The following CTNNA2 variants were observed in gnomAD, a reference collection of about 807,000 sequenced individuals.
The protein encoded by CTNNA2 is catenin alpha-2.
CTNNA2 carries 42 observed loss-of-function variants against 101.0 expected under a neutral mutation model. The observed-to-expected ratio is 0.42, with a 90% CI of 0.32 to 0.54. The LOEUF (loss-of-function observed/expected upper bound fraction) is 0.54, where lower values mean the gene tolerates loss of function less well. Among genes scored for constraint, CTNNA2 ranks in the 20% least tolerant of loss-of-function variants. The pLI is 0.14. For missense variants in CTNNA2, 871 were observed against 1,223.1 expected, an observed-to-expected ratio of 0.71 and a Z score of 4.29; for synonymous variants, 450 against 456.4, an observed-to-expected ratio of 0.99 and a Z score of 0.18.
At chr2:79,303,180 A>C (rs956135072) in intron 2 of CTNNA2, among the ~76,000 whole-genome samples, 1 of 152,162 alleles carries the variant, frequency 6.6e-6, no homozygotes, top group Non-Finnish European at 1.5e-5. Flanking sequence ...CTCATCCTCA[A>C]CACAAGGTCT....
At chr2:79,873,419 A>T (rs561904106) in intron 5 of CTNNA2, among the ~76,000 whole-genome samples, 1 of 152,340 alleles carries the variant, frequency 6.6e-6, no homozygotes, top group East Asian at 1.9e-4. Flanking sequence ...ACGTTATAGA[A>T]GAGAAATATA....
At chr2:79,736,872 C>G (rs1437606543) in intron 2 of CTNNA2, among the ~76,000 whole-genome samples, 5 of 152,100 alleles carry the variant, frequency 3.3e-5, no homozygotes, top group African/African-American at 1.2e-4. Flanking sequence ...TGGTGTTTTT[C>G]TGGAGAGCTC....
chr2:79,512,340 G>T (rs1301208898), upstream of CTNNA2, among the ~76,000 whole-genome samples: 9 of 152,042 alleles, frequency 5.9e-5, no homozygotes, highest in Non-Finnish European at 1.2e-4. Flanking sequence ...TTCAACAAAG[G>T]CTTGTTAAAT....
At chr2:80,558,977 T>C (rs1362414984) in intron 12 of CTNNA2, among the ~76,000 whole-genome samples, 1 of 152,164 alleles carries the variant, frequency 6.6e-6, no homozygotes, top group Non-Finnish European at 1.5e-5. Context: ...CTGGGGACTG[T>C]TTTGTCCATT....
In CTNNA2 at chr2:79,758,737, G is replaced by A. The variant is rs146397140; in HGVS notation, c.298+14155G>A. On this transcript the variant is annotated intron_variant, in intron 3 of 18. Transcript: ENST00000402739. Reference sequence around the variant, plus strand: ...CTGCATTAATTCACTTAGGATAATGGTCTCCAGCTGCATTCATGTTGCTGC... The same window carrying A: ...CTGCATTAATTCACTTAGGATAATGATCTCCAGCTGCATTCATGTTGCTGC... Among the ~76,000 whole-genome samples, 133 of 152,232 alleles carry A rather than the reference G, an allele frequency of 8.7e-4. 1 individual carries two copies. Among genetic ancestry groups the A allele is most frequent in the Non-Finnish European group, 1.3e-3 (90 of 68,028 alleles).
intron 2 of CTNNA2, among the ~76,000 whole-genome samples, chr2:79,665,013 C>A (rs1452481459): frequency 1.3e-5 from 2 of 152,008 alleles, no homozygotes; most frequent in Admixed American, 1.3e-4. Flanking sequence ...TCCCGGCCCA[C>A]ATTCTTCTTT....
chr2:79,262,511 G>T (rs954402171), intron 2 of CTNNA2, among the ~76,000 whole-genome samples: 2 of 151,564 alleles, frequency 1.3e-5, no homozygotes, highest in Non-Finnish European at 2.9e-5. Flanking sequence ...CTTAAAACTA[G>T]AAAATATAGA....
At chr2:79,726,554 G>A (rs918055463) in intron 2 of CTNNA2, among the ~76,000 whole-genome samples, 1 of 152,106 alleles carries the variant, frequency 6.6e-6, no homozygotes, top group African/African-American at 2.4e-5. Flanking sequence ...GATCTGAGGT[G>A]GAGCAGTTTC....
intron 8 of CTNNA2, among the ~76,000 whole-genome samples, chr2:80,398,457 G>A (rs1678243820): frequency 6.6e-6 from 1 of 152,076 alleles, no homozygotes; most frequent in South Asian, 2.1e-4. Flanking sequence ...TGGAGTCTAG[G>A]TCAGATTGTC....
At chr2:79,762,081 G>A (rs1308143087) in intron 3 of CTNNA2, among the ~76,000 whole-genome samples, 2 of 152,132 alleles carry the variant, frequency 1.3e-5, no homozygotes, top group African/African-American at 4.8e-5. Flanking sequence ...GTTTCTCTGA[G>A]CAAGCCTATT....
At chr2:79,952,296 C>T (rs1355197129) in intron 7 of CTNNA2, among the ~76,000 whole-genome samples, 1 of 152,154 alleles carries the variant, frequency 6.6e-6, no homozygotes, top group African/African-American at 2.4e-5. Flanking sequence ...CCACACCGTG[C>T]CAGTCCAAAC....
intron 7 of CTNNA2, among the ~76,000 whole-genome samples, chr2:80,002,812 A>G (rs1045927248): frequency 1.3e-5 from 2 of 152,318 alleles, no homozygotes; most frequent in East Asian, 1.9e-4. Context: ...ACTTCTGCCT[A>G]CAGGATAATG....
At chr2:79,704,239 G>A (rs552304718) in intron 2 of CTNNA2, among the ~76,000 whole-genome samples, 280 of 152,284 alleles carry the variant, frequency 1.8e-3, no homozygotes, top group Admixed American at 3.2e-3. Flanking sequence ...ATTGCCTAGT[G>A]AATCTTGTGT....
chr2:80,106,861 C>T (rs1272229820), intron 7 of CTNNA2, among the ~76,000 whole-genome samples: 1 of 152,092 alleles, frequency 6.6e-6, no homozygotes, highest in Non-Finnish European at 1.5e-5. Context: ...GTAGGAGTCT[C>T]AGTACTGAAG....
intron 3 of CTNNA2, among the ~76,000 whole-genome samples, chr2:79,829,534 C>A (rs1468209865): frequency 6.6e-6 from 1 of 151,136 alleles, no homozygotes; most frequent in Non-Finnish European, 1.5e-5. Context: ...CGCGCCATTG[C>A]ACTCCAGGCT....
chr2:79,208,840 T>G (rs1490070337), intron 2 of CTNNA2, among the ~76,000 whole-genome samples: 1 of 152,222 alleles, frequency 6.6e-6, no homozygotes, highest in Non-Finnish European at 1.5e-5. Flanking sequence ...AAATATGGAT[T>G]CATCAGGAAT....
chr2:79,754,489 C>G (rs1408298707), intron 3 of CTNNA2, among the ~76,000 whole-genome samples: 1 of 152,138 alleles, frequency 6.6e-6, no homozygotes, highest in Non-Finnish European at 1.5e-5. Context: ...TGTCCCTCCT[C>G]CTTCATTTGC....
At chr2:79,702,932 T>C (rs1206939657) in intron 2 of CTNNA2, among the ~76,000 whole-genome samples, 1 of 152,194 alleles carries the variant, frequency 6.6e-6, no homozygotes. Flanking sequence ...CCTCGCCCTC[T>C]CTGCAGCCCT....
intron 3 of CTNNA2, among the ~76,000 whole-genome samples, chr2:79,321,810 C>CACACACAT (rs1553398470): frequency 1.3e-5 from 2 of 152,118 alleles, no homozygotes; most frequent in African/African-American, 4.8e-5. Flanking sequence ...CACACACACA[C>CACACACAT]ACACACACAA....
Sources: allele counts gnomAD v4.1 joint callset (sites outside exome capture counted in the v4.1 genomes callset), GRCh38; gene constraint gnomAD v4.1.1; transcripts MANE v1.5; gene names NCBI Gene and HGNC (gene_info 2026-07-23, HGNC 2026-07-21).